PLAC8: variants seen among roughly 807,000 people sequenced by gnomAD.
PLAC8 encodes the protein placenta-specific gene 8 protein.
PLAC8 carries 6 observed loss-of-function variants against 12.6 expected under a neutral mutation model. The ratio of observed to expected loss-of-function variants is 0.48; its 90% CI spans 0.26 to 0.94. The LOEUF (loss-of-function observed/expected upper bound fraction) is 0.94. Ranked by LOEUF, PLAC8 falls within the 40% of genes least tolerant of loss-of-function variation. The pLI is 0.14. For synonymous variants in PLAC8, 54 were observed against 52.6 expected (o/e 1.03, Z -0.11); for missense variants, 122 against 152.7 (o/e 0.80, Z 1.06).
intron 1 of PLAC8, among the ~76,000 whole-genome samples, chr4:83,113,353 G>T (rs1445422868): frequency 6.6e-6 from 1 of 152,188 alleles, no homozygotes. Context: ...TCTCCCTTCA[G>T]GTGCGGGCCT....
At chr4:83,110,880 T>C (rs1010718233) in intron 1 of PLAC8, among the ~76,000 whole-genome samples, 1 of 152,234 alleles carries the variant, frequency 6.6e-6, no homozygotes, top group African/African-American at 2.4e-5. Context: ...CATTTCATCT[T>C]GGTTATCAAA....
At chr4:83,097,543 C>T (rs1288603893) in intron 3 of PLAC8, among the ~76,000 whole-genome samples, 1 of 152,132 alleles carries the variant, frequency 6.6e-6, no homozygotes, top group Non-Finnish European at 1.5e-5. Flanking sequence ...ACTTTGGAGG[C>T]TTAGATAATA....
At chr4:83,105,254 G>A (rs1288008265) in intron 2 of PLAC8, among the ~76,000 whole-genome samples, 1 of 152,180 alleles carries the variant, frequency 6.6e-6, no homozygotes, top group African/African-American at 2.4e-5. Context: ...TCATAGTTCT[G>A]CCTTCATTCA....
At chr4:83,105,484 G>A (rs1228041095) in intron 2 of PLAC8, among the ~76,000 whole-genome samples, 2 of 152,220 alleles carry the variant, frequency 1.3e-5, no homozygotes, top group African/African-American at 4.8e-5. Context: ...ATGTTTTAAA[G>A]GTGGACAAAA....
At chr4:83,109,688 G>C (rs906670989) in intron 1 of PLAC8, 31 of 152,164 alleles carry the variant, frequency 2.0e-4, no homozygotes, top group African/African-American at 7.5e-4. Flanking sequence ...TCTGAAGCAC[G>C]GGCTTCAGGA....
intron 3 of PLAC8, among the ~76,000 whole-genome samples, chr4:83,098,566 A>G (rs773598177): frequency 2.6e-5 from 4 of 152,186 alleles, no homozygotes; most frequent in Admixed American, 6.5e-5. Context: ...TTCTCTTTCA[A>G]AGATGATTTT....
intron 4 of PLAC8, among the ~76,000 whole-genome samples, chr4:83,092,452 G>A (rs1317684307): frequency 4.0e-5 from 6 of 151,390 alleles, no homozygotes; most frequent in African/African-American, 7.3e-5. Context: ...CAGGCTGGTC[G>A]CTGGTGCTGA....
chr4:83,097,263 G>T (rs1731962212), intron 3 of PLAC8, among the ~76,000 whole-genome samples: 1 of 152,016 alleles, frequency 6.6e-6, no homozygotes, highest in Non-Finnish European at 1.5e-5. Flanking sequence ...ATGTGTGTGT[G>T]TGTGTGATGT....
At chr4:83,104,339 ATG>A (rs371467326) in intron 3 of PLAC8, among the ~76,000 whole-genome samples, 1 of 151,970 alleles carries the variant, frequency 6.6e-6, no homozygotes, top group Non-Finnish European at 1.5e-5. Context: ...ATATATATAT[ATG>A]TGTGTATACA....
intron 1 of PLAC8, among the ~76,000 whole-genome samples, 176 bp downstream of exon 1, chr4:83,114,490 A>AT (rs1372283450): frequency 6.6e-6 from 1 of 152,236 alleles, no homozygotes; most frequent in African/African-American, 2.4e-5. Flanking sequence ...AAATTGTTGA[A>AT]TTTGACTAAA....
chr4:83,102,107 T>A (rs1263374565), intron 3 of PLAC8, among the ~76,000 whole-genome samples: 1 of 152,124 alleles, frequency 6.6e-6, no homozygotes, highest in African/African-American at 2.4e-5. Context: ...TTTTCAAGTC[T>A]TATTATTTAA....
At chr4:83,103,364 C>T (rs929131890) in intron 3 of PLAC8, among the ~76,000 whole-genome samples, 1 of 152,092 alleles carries the variant, frequency 6.6e-6, no homozygotes, top group African/African-American at 2.4e-5. Flanking sequence ...CACTGCACTC[C>T]AGCCTGGCAA....
At chr4:83,097,539 G>A (rs1731970205) in intron 3 of PLAC8, among the ~76,000 whole-genome samples, 2 of 152,092 alleles carry the variant, frequency 1.3e-5, no homozygotes, top group Admixed American at 1.3e-4. Flanking sequence ...ACCTACTTTG[G>A]AGGCTTAGAT....
At chr4:83,094,933 C>G in intron 3 of PLAC8, 142 bp from the exon 4 acceptor site, 1 of 484,918 alleles carries the variant, frequency 2.1e-6, no homozygotes, top group Admixed American at 4.3e-5. Flanking sequence ...TATTACCTCA[C>G]TTTTTCACAT....
At position 83,094,720 on chromosome 4, in the gene PLAC8, A is replaced by T; in HGVS notation, c.315T>A (p.Asp105Glu). 6.2e-7 allele frequency: 1 copy of T among 1,606,094 alleles called. No homozygotes were observed. The change falls in exon 4 of 5, where the codon GAT becomes GAA. Residue 105 changes from aspartate to glutamate, a missense_variant. By Grantham distance (45) the Asp-to-Glu change is conservative. Coordinates refer to ENST00000311507, the MANE Select transcript of PLAC8 (RefSeq NM_016619.3). ...TACGCATGGCTCTCCTTCTGTTGAT[A>T]TCTCTCTTGATTTGGCAAAGAGTAC... ...PHCTLCQIKR[D>E]INRRRAMRTF is the part of the protein sequence containing the mutation.
chr4:83,101,749 T>C (rs371457417), intron 3 of PLAC8, among the ~76,000 whole-genome samples: 19 of 152,330 alleles, frequency 1.2e-4, no homozygotes, highest in African/African-American at 4.3e-4. Context: ...TTGAAGCCAA[T>C]GCTCATTTAC....
chr4:83,096,671 C>CATAGACATAT (rs1315882697), intron 3 of PLAC8, among the ~76,000 whole-genome samples: 3 of 152,134 alleles, frequency 2.0e-5, no homozygotes, highest in Non-Finnish European at 4.4e-5. Flanking sequence ...CAGCTATGGA[C>CATAGACATAT]ATAGACATAT....
At chr4:83,099,049 A>G (rs1470373888) in intron 3 of PLAC8, among the ~76,000 whole-genome samples, 1 of 152,106 alleles carries the variant, frequency 6.6e-6, no homozygotes, top group Non-Finnish European at 1.5e-5. Flanking sequence ...TATAATTCTA[A>G]TATGACTTAG....
intron 3 of PLAC8, among the ~76,000 whole-genome samples, chr4:83,103,882 G>A (rs1732173782): frequency 6.6e-6 from 1 of 152,132 alleles, no homozygotes; most frequent in Non-Finnish European, 1.5e-5. Context: ...TGGCCAGGCT[G>A]GTCTTTAACT....
Sources: gnomAD v4.1 joint callset for allele counts (sites outside exome capture counted in the v4.1 genomes callset) on GRCh38, gnomAD v4.1.1 for gene constraint, MANE v1.5 for transcripts, NCBI Gene and HGNC (gene_info 2026-07-23, HGNC 2026-07-21) for gene names.